BBS9: variants seen among roughly 807,000 people sequenced by gnomAD.
BBS9 encodes the protein Bardet-Biedl syndrome 9, also known as protein PTHB1.
In BBS9, 89 loss-of-function variants were observed where a neutral mutation model predicts 117.7. The observed-to-expected ratio is 0.76, with a 90% confidence interval of 0.64 to 0.90. BBS9 has a LOEUF of 0.90. BBS9 is among the 40% of genes least tolerant of loss of function. The pLI is 0.00. For missense variants in BBS9, 982 were observed against 1,042.2 expected (o/e 0.94, Z 0.80); for synonymous variants, 379 against 370.9 (o/e 1.02, Z -0.25).
chr7:33,135,045 A>G (rs1341420880), intron 1 of BBS9, among the ~76,000 whole-genome samples: 1 of 152,100 alleles, frequency 6.6e-6, no homozygotes, highest in Admixed American at 6.5e-5. Flanking sequence ...GGCACACACC[A>G]CTGCACCTGG....
At chr7:33,294,348 T>G (rs1472386880) in intron 9 of BBS9, among the ~76,000 whole-genome samples, 2 of 143,690 alleles carry the variant, frequency 1.4e-5, no homozygotes, top group East Asian at 7.4e-4. Context: ...TATCTATCTA[T>G]CTATCTCTTT....
chr7:33,393,989 AG>A (rs1236226186), intron 19 of BBS9, among the ~76,000 whole-genome samples: 3 of 152,112 alleles, frequency 2.0e-5, no homozygotes, highest in Non-Finnish European at 4.4e-5. Context: ...TATTTTTGCT[AG>A]CATGCCTTGC....
intron 9 of BBS9, among the ~76,000 whole-genome samples, chr7:33,317,117 T>C (rs1233624581): frequency 6.6e-6 from 1 of 152,228 alleles, no homozygotes; most frequent in African/African-American, 2.4e-5. Flanking sequence ...GACTTTCCTT[T>C]CCTCTTTGAA....
At chr7:33,480,428 A>C (rs1842375608) in intron 19 of BBS9, among the ~76,000 whole-genome samples, 1 of 152,212 alleles carries the variant, frequency 6.6e-6, no homozygotes, top group South Asian at 2.1e-4. Context: ...GCAAGAAAGC[A>C]TAGAGTAAGT....
chr7:33,169,041 G>A (rs200835984), intron 4 of BBS9, among the ~76,000 whole-genome samples: 1 of 151,032 alleles, frequency 6.6e-6, no homozygotes, highest in Non-Finnish European at 1.5e-5. Context: ...ATTCCCACCT[G>A]TGAGTGAGAA....
At chr7:33,609,901 A>G (rs540644050), downstream of BBS9, among the ~76,000 whole-genome samples, 6 of 152,174 alleles carry the variant, frequency 3.9e-5, no homozygotes, top group East Asian at 3.9e-4. Context: ...AAATATATCC[A>G]GTTAGCCCAA....
chr7:33,409,924 T>C (rs1372222515), intron 19 of BBS9, among the ~76,000 whole-genome samples: 1 of 152,176 alleles, frequency 6.6e-6, no homozygotes, highest in Non-Finnish European at 1.5e-5. Flanking sequence ...CCCTCTTGTC[T>C]TTCAAGCTTT....
chr7:33,573,221 C>A lies in BBS9; in HGVS notation c.2522-31644C>A, dbSNP rs577756128. Among the ~76,000 whole-genome samples the A allele has an allele frequency of 1.6e-4, 25 of 151,932 alleles. No individual in the cohort carries two copies. In the South Asian group the frequency reaches 4.8e-3, roughly 29 times the overall value. ...TTGAAATAAGCAATTTCTCCTGGTT[C>A]TTTTTAGTATAGGATATTATTAAGA... On this transcript the variant is annotated intron_variant, in intron 21 of 22. Coordinates refer to ENST00000242067, the MANE Select transcript of BBS9 (RefSeq NM_198428.3).
At chr7:33,632,978 G>A (rs1193454844) in intron 21 of BBS9, among the ~76,000 whole-genome samples, 5 of 152,072 alleles carry the variant, frequency 3.3e-5, no homozygotes, top group African/African-American at 9.7e-5. Flanking sequence ...CTTTCAGCTG[G>A]GTGAGTGGTC....
At chr7:33,520,211 A>G (rs1848407857) in intron 20 of BBS9, among the ~76,000 whole-genome samples, 1 of 152,064 alleles carries the variant, frequency 6.6e-6, no homozygotes. Flanking sequence ...ACGAGGGTTC[A>G]CCGTCTTGGC....
At chr7:33,363,181 C>T (rs1297346845) in intron 16 of BBS9, among the ~76,000 whole-genome samples, 1 of 152,204 alleles carries the variant, frequency 6.6e-6, no homozygotes, top group Non-Finnish European at 1.5e-5. Context: ...CGTCTCACTG[C>T]ACCCTTCGCC....
chr7:33,336,103 C>T (rs1018350870), intron 9 of BBS9, among the ~76,000 whole-genome samples: 6 of 152,010 alleles, frequency 3.9e-5, no homozygotes, highest in Admixed American at 6.6e-5. Context: ...ATGCTTATTA[C>T]GGAAATGCCA....
Position 33,146,359 on chromosome 7 carries a change from G to A in BBS9, c.107G>A (p.Gly36Glu), listed in dbSNP as rs1184452364. 6.2e-7 allele frequency: 1 copy of A among 1,610,594 alleles called. No homozygotes were observed. The highest frequency in any genetic ancestry group is 8.5e-7 in the Non-Finnish European group (1 of 1,177,012). ...CLANVDNSGN[G>E]QDKIIVGSFM... ...GCTAATGTTGACAATAGTGGAAATGGACAAGGTAAGCAACTTACAACCATA... is the reference window on the plus strand; with the variant it reads ...GCTAATGTTGACAATAGTGGAAATGAACAAGGTAAGCAACTTACAACCATA... The change falls in exon 2 of 23, where the codon GGA becomes GAA. Residue 36 changes from glycine (G) to glutamate (E), a missense_variant. Transcript: ENST00000242067.
intron 21 of BBS9, among the ~76,000 whole-genome samples, chr7:33,591,136 A>G (rs1861848832): frequency 6.6e-6 from 1 of 152,072 alleles, no homozygotes; most frequent in African/African-American, 2.4e-5. Flanking sequence ...GTGGTGGAAC[A>G]TTCTTAAATG....
chr7:33,466,755 A>G (rs1351318954), intron 19 of BBS9, among the ~76,000 whole-genome samples: 2 of 152,172 alleles, frequency 1.3e-5, no homozygotes, highest in Non-Finnish European at 2.9e-5. Flanking sequence ...TGTAACCAGT[A>G]AAGAATAGGA....
At chr7:33,568,368 C>G (rs753576839) in intron 21 of BBS9, among the ~76,000 whole-genome samples, 3 of 152,172 alleles carry the variant, frequency 2.0e-5, no homozygotes, top group Non-Finnish European at 2.9e-5. Flanking sequence ...CTTCCTTCCT[C>G]CCACTTAACC....
At chr7:33,319,284 C>A (rs765029885) in intron 9 of BBS9, among the ~76,000 whole-genome samples, 13 of 151,978 alleles carry the variant, frequency 8.6e-5, no homozygotes, top group Non-Finnish European at 1.8e-4. Context: ...GTTTCTTTAT[C>A]CACTCATTGA....
intron 19 of BBS9, among the ~76,000 whole-genome samples, chr7:33,437,618 A>T (rs1036135542): frequency 6.6e-6 from 1 of 152,200 alleles, no homozygotes; most frequent in Non-Finnish European, 1.5e-5. Context: ...TCATGCCTGT[A>T]ATCCCAGCAC....
chr7:33,331,283 G>A (rs1393440817), intron 9 of BBS9, among the ~76,000 whole-genome samples: 2 of 152,106 alleles, frequency 1.3e-5, no homozygotes, highest in Non-Finnish European at 2.9e-5. Context: ...AGTAATAAAA[G>A]CCGTATATGA....
Sources: gnomAD v4.1 joint callset for allele counts (sites outside exome capture counted in the v4.1 genomes callset) on GRCh38, gnomAD v4.1.1 for gene constraint, MANE v1.5 for transcripts, NCBI Gene and HGNC (gene_info 2026-07-23, HGNC 2026-07-21) for gene names.